The following ST3GAL1 variants were observed in gnomAD, a reference collection of about 807,000 sequenced individuals.
ST3GAL1 encodes the protein ST3 beta-galactoside alpha-2,3-sialyltransferase 1.
A neutral mutation model predicts 34.1 loss-of-function variants in ST3GAL1; 16 were observed. The observed-to-expected ratio is 0.47, with a 90% CI of 0.32 to 0.71. ST3GAL1 has a LOEUF of 0.71. Ranked by LOEUF, ST3GAL1 falls within the 30% of genes least tolerant of loss-of-function variation. The pLI, the probability that ST3GAL1 is intolerant of heterozygous loss-of-function variation, is 0.04. For synonymous variants in ST3GAL1, 191 were observed against 184.7 expected (o/e 1.03, Z -0.28); for missense variants, 353 against 447.4 (o/e 0.79, Z 1.90).
At position 133,556,376 on chromosome 8, in the gene ST3GAL1, C is replaced by T. The variant is rs1157043120; in HGVS notation, c.-581-10450G>A. On this transcript the variant is annotated intron_variant, in intron 1 of 9. Coordinates refer to ENST00000522652, the MANE Select transcript of ST3GAL1 (RefSeq NM_173344.3). The surrounding 1 kb of genome is among the most constrained non-coding windows in gnomAD (Gnocchi z 8.9). Reference sequence around the variant, plus strand: ...CTCCCCCTGGCCTTGGCCTCCTGGACAGGAGACAACCCCTTGGCCTTGCTC... The same window carrying T: ...CTCCCCCTGGCCTTGGCCTCCTGGATAGGAGACAACCCCTTGGCCTTGCTC... Among the ~76,000 whole-genome samples, 2 of 152,210 alleles carry T rather than the reference C, an allele frequency of 1.3e-5. No individual in the cohort carries two copies. The highest frequency in any genetic ancestry group is 4.8e-5 in the African/African-American group (2 of 41,448).
chr8:133,564,477 T>C lies in ST3GAL1; in HGVS notation c.-582+7216A>G, dbSNP rs371461257. ...CCAATTTAGGTCTTTAAATTTCTTG[T>C]CATTCTCTCCTTTGGCACTTTCATG... On this transcript the variant is annotated intron_variant, in intron 1 of 9. Coordinates refer to ENST00000522652, the MANE Select transcript of ST3GAL1 (RefSeq NM_173344.3). 1.1e-4 allele frequency among the ~76,000 whole-genome samples: 16 copies of C among 151,670 alleles called. No homozygotes were observed. The East Asian group carries it at 2.7e-3, about 26-fold the overall frequency.
chr8:133,459,761 G>C lies in ST3GAL1; in HGVS notation c.*3C>G. 6.2e-7 allele frequency: 1 copy of C among 1,608,632 alleles called. No homozygotes were observed. Among genetic ancestry groups the C allele is most frequent in the Non-Finnish European group, 8.5e-7 (1 of 1,176,534 alleles). ...GTGCGTCCATCCTCAGCCCTTCACT[G>C]CGTCATCTCCCCTTGAAGATCCGGA... On this transcript the variant is annotated 3_prime_UTR_variant, in exon 10 of 10. Coordinates refer to ENST00000522652, the MANE Select transcript of ST3GAL1 (RefSeq NM_173344.3). This position sits in a 1 kb window ranked among gnomAD's most constrained non-coding sequence, Gnocchi z 4.7.
chr8:133,463,160 G>A (rs1449556751), intron 8 of ST3GAL1, among the ~76,000 whole-genome samples: 1 of 152,240 alleles, frequency 6.6e-6, no homozygotes, highest in East Asian at 1.9e-4. Flanking sequence ...TTCTGATTCA[G>A]TAGGTTCGAG....
intron 2 of ST3GAL1, among the ~76,000 whole-genome samples, chr8:133,526,379 G>T (rs1396072060): frequency 6.6e-6 from 1 of 152,108 alleles, no homozygotes; most frequent in Non-Finnish European, 1.5e-5. Context: ...GTTCATGAAG[G>T]CTCCTAAGTC....
At chr8:133,497,112 T>C (rs1454085734) in intron 3 of ST3GAL1, among the ~76,000 whole-genome samples, 1 of 152,230 alleles carries the variant, frequency 6.6e-6, no homozygotes, top group East Asian at 1.9e-4. Context: ...TGTCAGCCAC[T>C]GCACCCCTAC....
At chr8:133,475,106 C>A (rs1265303836) in intron 5 of ST3GAL1, among the ~76,000 whole-genome samples, 2 of 152,152 alleles carry the variant, frequency 1.3e-5, no homozygotes, top group East Asian at 1.9e-4. Flanking sequence ...TAGGGTGGGC[C>A]CTAAACCTGA....
chr8:133,469,414 T>TC lies in ST3GAL1; in HGVS notation c.307-3325dup, dbSNP rs2130930904. 6.6e-6 allele frequency among the ~76,000 whole-genome samples: 1 copy of TC among 152,192 alleles called. No homozygotes were observed. Among genetic ancestry groups the TC allele is most frequent in the East Asian group, 1.9e-4 (1 of 5,156 alleles). ...TTGTATTTTTAGTAGAAACACGGTT[T>TC]CACCATGTTGGCCAGGCTGGTCTCG... On this transcript the variant is annotated intron_variant, in intron 5 of 9. Coordinates refer to ENST00000522652, the MANE Select transcript of ST3GAL1 (RefSeq NM_173344.3). This position sits in a 1 kb window ranked among gnomAD's most constrained non-coding sequence, Gnocchi z 4.3.
chr8:133,521,310 GT>G (rs1168118609), intron 2 of ST3GAL1, among the ~76,000 whole-genome samples: 2 of 147,094 alleles, frequency 1.4e-5, no homozygotes, highest in Admixed American at 6.8e-5. Flanking sequence ...ATTTTTGGGG[GT>G]TTTTTGAGAC....
chr8:133,484,892 G>C (rs572327932), intron 3 of ST3GAL1, among the ~76,000 whole-genome samples: 9 of 152,274 alleles, frequency 5.9e-5, no homozygotes, highest in African/African-American at 1.9e-4. Flanking sequence ...AACCCTCCCT[G>C]CTCCCTGGGT....
rs907678237 is a variant in ST3GAL1, at chr8:133,456,037, C to A, written c.*3727G>T. 1 of 150,658 alleles carries A rather than the reference C, an allele frequency of 6.6e-6. No homozygotes were observed. Among genetic ancestry groups the A allele is most frequent in the East Asian group, 2.0e-4 (1 of 5,126 alleles). 9.3% of individuals were successfully genotyped at this position (150,658 alleles called of 1,614,324 possible). On this transcript the variant is annotated 3_prime_UTR_variant, in exon 10 of 10. Transcript: ENST00000522652. ...TCCACCTTCTTTTTTTTTTTCCCTC[C>A]TATTTTACATTCTATTTTCTCATAT...
rs554493533 is a variant in ST3GAL1, at chr8:133,466,518, C to G, written c.307-428G>C. Among the ~76,000 whole-genome samples the G allele has an allele frequency of 2.0e-5, 3 of 152,296 alleles. No individual in the cohort carries two copies. Among genetic ancestry groups the G allele is most frequent in the South Asian group, 4.1e-4 (2 of 4,830 alleles). Reference sequence around the variant, plus strand: ...TTGAAAGAGAGAAAAATAGCAGAAGCCTTCTAGCTGTGTCTTACTCCCACC... The same window carrying G: ...TTGAAAGAGAGAAAAATAGCAGAAGGCTTCTAGCTGTGTCTTACTCCCACC... On this transcript the variant is annotated intron_variant, in intron 5 of 9. Transcript: ENST00000522652. The surrounding 1 kb of genome is among the most constrained non-coding windows in gnomAD (Gnocchi z 4.4).
chr8:133,562,813 C>T (rs1757318441), intron 1 of ST3GAL1, among the ~76,000 whole-genome samples: 1 of 120,870 alleles, frequency 8.3e-6, no homozygotes, highest in African/African-American at 3.9e-5. Context: ...TTCCTTCCTT[C>T]CTTCCTTCCT....
At chr8:133,566,847 A>C (rs1819416922) in intron 1 of ST3GAL1, 1 of 152,204 alleles carries the variant, frequency 6.6e-6, no homozygotes, top group Non-Finnish European at 1.5e-5. Context: ...AGGAACTTGC[A>C]GGCTGGCTGC....
intron 1 of ST3GAL1, chr8:133,566,959 C>T (rs987910641): frequency 2.0e-5 from 3 of 152,228 alleles, no homozygotes; most frequent in African/African-American, 7.2e-5. Flanking sequence ...TCCCTTACCT[C>T]TTCAGAACCA....
chr8:133,488,222 G>A (rs1816675364), intron 3 of ST3GAL1: 1 of 152,220 alleles, frequency 6.6e-6, no homozygotes, highest in Admixed American at 6.5e-5. Context: ...GCCTGGGGGA[G>A]CGAGACTTAT....
rs2736867 is a variant in ST3GAL1 at position 133,461,382 on chromosome 8, T to A, written c.849+493A>T. Among the ~76,000 whole-genome samples, 6 of 151,990 alleles carry A rather than the reference T, an allele frequency of 3.9e-5. No homozygotes were observed. The East Asian group carries it at 1.2e-3, about 29-fold the overall frequency. ...ACAGCCTAGCGGACAGCGAAGGACATGGGAAGGCAAATGCATGCTTCTCGA... is the reference window on the plus strand; with the variant it reads ...ACAGCCTAGCGGACAGCGAAGGACAAGGGAAGGCAAATGCATGCTTCTCGA... On this transcript the variant is annotated intron_variant, in intron 9 of 9. Transcript: ENST00000522652. The surrounding 1 kb of genome is among the most constrained non-coding windows in gnomAD (Gnocchi z 4.7).
At chr8:133,463,532 G>T in intron 7 of ST3GAL1, 73 bp from the exon 8 acceptor site, 1 of 1,519,092 alleles carries the variant, frequency 6.6e-7, no homozygotes. Flanking sequence ...GCAGCTCTGG[G>T]GGTAGTGGCT....
At chr8:133,532,827 G>A (rs12544996) in intron 2 of ST3GAL1, among the ~76,000 whole-genome samples, 5,025 of 152,226 alleles carry the variant, frequency 0.033, 152 homozygotes, top group East Asian at 0.14. Context: ...AGAAGAGTCC[G>A]CAGGTGCTGG....
At chr8:133,514,602 C>T (rs1817590575) in intron 2 of ST3GAL1, among the ~76,000 whole-genome samples, 1 of 152,072 alleles carries the variant, frequency 6.6e-6, no homozygotes, top group Admixed American at 6.5e-5. Context: ...CACAGGCTGC[C>T]CTCCCACGAC....
Sources: allele counts gnomAD v4.1 joint callset (sites outside exome capture counted in the v4.1 genomes callset), GRCh38; gene constraint gnomAD v4.1.1; non-coding constraint Gnocchi (gnomAD v3.1); transcripts MANE v1.5; gene names NCBI Gene and HGNC (gene_info 2026-07-23, HGNC 2026-07-21).